MAML3: variants seen among roughly 807,000 people sequenced by gnomAD.
MAML3 encodes the protein mastermind-like protein 3.
A neutral mutation model predicts 101.9 loss-of-function variants in MAML3; 27 were observed. The observed-to-expected ratio is 0.27, with a 90% CI of 0.20 to 0.37. The LOEUF is 0.37. Ranked by LOEUF, MAML3 falls within the 10% of genes least tolerant of loss-of-function variation. The pLI, the probability that MAML3 is intolerant of heterozygous loss-of-function variation, is 1.00. For missense variants in MAML3, 1,316 were observed against 1,444.9 expected (o/e 0.91, Z 1.45); for synonymous variants, 501 against 555.9 (o/e 0.90, Z 1.39).
chr4:140,125,795 T>C (rs1369116530), intron 1 of MAML3, among the ~76,000 whole-genome samples: 1 of 152,080 alleles, frequency 6.6e-6, no homozygotes, highest in African/African-American at 2.4e-5. Flanking sequence ...TGTTGTTGTT[T>C]TGAGACAGAG....
chr4:139,989,296 G>A (rs1734614283), intron 1 of MAML3, among the ~76,000 whole-genome samples: 1 of 152,114 alleles, frequency 6.6e-6, no homozygotes, highest in Admixed American at 6.5e-5. Context: ...TGCTACAAGG[G>A]CACTGTAAGA....
chr4:139,818,334 T>C (rs2111119651), intron 2 of MAML3, among the ~76,000 whole-genome samples: 1 of 152,336 alleles, frequency 6.6e-6, no homozygotes, highest in South Asian at 2.1e-4. Flanking sequence ...ATTTCATTAA[T>C]GTCTGTTTTT....
chr4:139,870,319 C>T (rs1461523022), intron 2 of MAML3, among the ~76,000 whole-genome samples: 3 of 152,156 alleles, frequency 2.0e-5, no homozygotes, highest in Admixed American at 2.0e-4. Flanking sequence ...CCCTGGCCCC[C>T]AAGTTGTGAC....
rs572699332 is a variant in MAML3, at chr4:139,998,953, G to A, written c.469-107986C>T. The stretch of plus-strand genomic sequence containing the variant: ...ATTGTGATCAAACACCTTGAGCCAG[G>A]AAGACTTCCATTCTCTGCTGATGGA... On this transcript the variant is annotated intron_variant, in intron 1 of 4. Coordinates refer to ENST00000509479, the MANE Select transcript of MAML3 (RefSeq NM_018717.5). Among the ~76,000 whole-genome samples, 14 of 152,280 alleles carry A rather than the reference G, an allele frequency of 9.2e-5. No homozygotes were observed. In the South Asian group the frequency reaches 2.5e-3, roughly 27 times the overall value.
chr4:139,875,012 C>T (rs547972563), intron 2 of MAML3, among the ~76,000 whole-genome samples: 2 of 152,186 alleles, frequency 1.3e-5, no homozygotes, highest in Non-Finnish European at 2.9e-5. Context: ...ACCATGTTAG[C>T]CAGGATGGTC....
At chr4:140,131,089 C>T (rs1332945412) in intron 1 of MAML3, among the ~76,000 whole-genome samples, 1 of 152,160 alleles carries the variant, frequency 6.6e-6, no homozygotes, top group Non-Finnish European at 1.5e-5. Flanking sequence ...AAACTATTAT[C>T]TGCTGGCCAA....
intron 2 of MAML3, among the ~76,000 whole-genome samples, chr4:139,772,378 G>T (rs573364967): frequency 1.4e-5 from 2 of 147,684 alleles, no homozygotes; most frequent in Non-Finnish European, 3.0e-5. Context: ...TTTTGCTCTT[G>T]TTGCTTAGGC....
At chr4:139,893,238 TA>T (rs1471157129) in intron 1 of MAML3, among the ~76,000 whole-genome samples, 1 of 152,164 alleles carries the variant, frequency 6.6e-6, no homozygotes, top group Non-Finnish European at 1.5e-5. Context: ...TTCCCCTGGG[TA>T]ATAGCTGCTT....
At chr4:139,820,190 C>A (rs1730951666) in intron 2 of MAML3, among the ~76,000 whole-genome samples, 1 of 152,180 alleles carries the variant, frequency 6.6e-6, no homozygotes, top group Non-Finnish European at 1.5e-5. Flanking sequence ...GGTAGTGAAG[C>A]AACTGTGACC....
chr4:140,137,968 A>G (rs72935799), intron 1 of MAML3, among the ~76,000 whole-genome samples: 5,687 of 152,294 alleles, frequency 0.037, 327 homozygotes, highest in African/African-American at 0.13. Flanking sequence ...ATCTTTCTGA[A>G]CCTTCCAATT....
intron 1 of MAML3, among the ~76,000 whole-genome samples, chr4:140,041,438 A>G (rs1414453173): frequency 6.6e-6 from 1 of 152,218 alleles, no homozygotes; most frequent in African/African-American, 2.4e-5. Context: ...AGCCTGGCCA[A>G]CATGGCGAAA....
At chr4:140,047,388 G>A (rs1454292973) in intron 1 of MAML3, among the ~76,000 whole-genome samples, 1 of 152,180 alleles carries the variant, frequency 6.6e-6, no homozygotes, top group Non-Finnish European at 1.5e-5. Context: ...CCAGGAAGAA[G>A]AGAAGCAAGA....
chr4:140,021,834 C>T (rs1215584548), intron 1 of MAML3, among the ~76,000 whole-genome samples: 1 of 152,170 alleles, frequency 6.6e-6, no homozygotes, highest in Non-Finnish European at 1.5e-5. Flanking sequence ...TCCCACTGCC[C>T]CATCAGGTCC....
intron 1 of MAML3, among the ~76,000 whole-genome samples, chr4:139,973,945 G>A (rs1034783767): frequency 2.0e-5 from 3 of 152,022 alleles, no homozygotes; most frequent in Non-Finnish European, 4.4e-5. Flanking sequence ...ACATTCACAG[G>A]CAAATCCCTA....
chr4:139,863,480 A>G (rs2111168099), intron 2 of MAML3, among the ~76,000 whole-genome samples: 1 of 151,428 alleles, frequency 6.6e-6, no homozygotes, highest in Admixed American at 6.6e-5. Context: ...CCTCCTGAGT[A>G]GCTGGGATTA....
intron 1 of MAML3, among the ~76,000 whole-genome samples, chr4:139,994,595 G>A (rs115716377): frequency 6.6e-6 from 1 of 152,166 alleles, no homozygotes; most frequent in African/African-American, 2.4e-5. Flanking sequence ...AGGAGTCTGA[G>A]GTTACTGTGA....
chr4:139,888,453 G>T (rs1732383754), intron 2 of MAML3: 1 of 491,224 alleles, frequency 2.0e-6, no homozygotes, highest in South Asian at 1.5e-5. Flanking sequence ...TGTAGGGCAG[G>T]GGGAGTCGCT....
At chr4:140,136,505 C>T (rs538304759) in intron 1 of MAML3, among the ~76,000 whole-genome samples, 2 of 152,338 alleles carry the variant, frequency 1.3e-5, no homozygotes, top group African/African-American at 2.4e-5. Context: ...TAACCCTCCC[C>T]ACTTTGTGCC....
intron 1 of MAML3, among the ~76,000 whole-genome samples, chr4:140,074,818 T>C (rs1727740327): frequency 6.6e-6 from 1 of 152,220 alleles, no homozygotes; most frequent in Admixed American, 6.5e-5. Context: ...TCCTTTGCTT[T>C]CTGATAGTTC....
Sources: allele counts gnomAD v4.1 joint callset (sites outside exome capture counted in the v4.1 genomes callset), GRCh38; gene constraint gnomAD v4.1.1; transcripts MANE v1.5; gene names NCBI Gene and HGNC (gene_info 2026-07-23, HGNC 2026-07-21).